COL5A3: variants seen among roughly 807,000 people sequenced by gnomAD.
COL5A3 encodes the protein collagen alpha-3(V) chain.
A neutral mutation model predicts 250.0 loss-of-function variants in COL5A3; 172 were observed. That is an observed-to-expected ratio of 0.69 (90% CI 0.61 to 0.78). The LOEUF (loss-of-function observed/expected upper bound fraction) is 0.78. COL5A3 is among the 30% of genes least tolerant of loss of function. The probability of loss-of-function intolerance (pLI) is 0.00; values close to 1 mark genes in which losing one functional copy is unlikely to be tolerated. For synonymous variants in COL5A3, 937 were observed against 900.4 expected (o/e 1.04, Z -0.73); for missense variants, 2,340 against 2,334.4 (o/e 1.00, Z -0.05).
At chr19:9,976,416 T>TCCGATTC in intron 45 of COL5A3, 142 bp downstream of exon 45, 1 of 599,780 alleles carries the variant, frequency 1.7e-6, no homozygotes, top group Non-Finnish European at 2.8e-6. Context: ...TTGGATTGAG[T>TCCGATTC]TCACATTGGG....
intron 6 of COL5A3, among the ~76,000 whole-genome samples, chr19:10,002,939 G>C (rs1209112002): frequency 6.6e-6 from 1 of 151,996 alleles, no homozygotes; most frequent in Non-Finnish European, 1.5e-5. Flanking sequence ...CAACCCCCCA[G>C]TCATTGACCC....
chr19:9,997,214 A>G (rs2087285936), intron 11 of COL5A3, 157 bp downstream of exon 11: 2 of 679,356 alleles, frequency 2.9e-6, no homozygotes, highest in Non-Finnish European at 5.3e-6. Flanking sequence ...CCAGAGAAAT[A>G]GTTCACAGAT....
chr19:9,999,045 T>C (rs1245476949), intron 8 of COL5A3, among the ~76,000 whole-genome samples: 1 of 151,784 alleles, frequency 6.6e-6, no homozygotes, highest in Non-Finnish European at 1.5e-5. Flanking sequence ...TTTCTTTCTC[T>C]TTCTTTCTCT....
At chr19:9,998,215 T>C in intron 8 of COL5A3, 66 bp from the exon 9 acceptor site, 2 of 1,468,520 alleles carry the variant, frequency 1.4e-6, no homozygotes, top group Non-Finnish European at 1.9e-6. Context: ...CCTTCAGTTA[T>C]CTGATCACAC....
chr19:9,976,444 G>A lies in COL5A3; in HGVS notation c.3342+114C>T, dbSNP rs2086923427. Reference sequence around the variant, plus strand: ...ACATTGGGTGTCAGTACTGAGGGAAGATCAGGGTTGGGTTTGAGGTTTGGA... The same window carrying A: ...ACATTGGGTGTCAGTACTGAGGGAAAATCAGGGTTGGGTTTGAGGTTTGGA... On this transcript the variant is annotated intron_variant, in intron 45 of 66. Coordinates refer to ENST00000264828, the MANE Select transcript of COL5A3 (RefSeq NM_015719.4). 8.1e-6 allele frequency: 6 copies of A among 740,530 alleles called. No individual in the cohort carries two copies. The South Asian group carries it at 8.4e-5, about 10-fold the overall frequency. 45.9% of individuals were successfully genotyped at this position (740,530 alleles called of 1,614,324 possible). A position where few individuals can be genotyped will look rare whatever the true frequency, so the allele number is the denominator to read the frequency against.
chr19:9,983,905 T>G lies in COL5A3; in HGVS notation c.2407-1787A>C, dbSNP rs543443202. Among the ~76,000 whole-genome samples, 8 of 149,138 alleles carry G rather than the reference T, an allele frequency of 5.4e-5. No individual in the cohort carries two copies. The South Asian group carries it at 1.1e-3, about 20-fold the overall frequency. On this transcript the variant is annotated intron_variant, in intron 31 of 66. Transcript: ENST00000264828. ...AGGAGTCAATGTAAAGGGAAATCAC[T>G]GAAAAAATAAAAAAAAAAAACCACT...
Position 10,001,777 on chromosome 19 carries a change from C to A in COL5A3, c.954G>T (p.Thr318=). The A allele has an allele frequency of 6.2e-7, 1 of 1,613,996 alleles. No individual in the cohort carries two copies. The highest frequency in any genetic ancestry group is 8.5e-7 in the Non-Finnish European group (1 of 1,179,914). ...TSTVTTGLNA[T]ILERSLDPDS... is the part of the protein sequence containing the mutation. ...TCCATCCCCATCCAACCTCTAGGAT[C>A]GTGGCATTGAGTCCAGTAGTCACAG... The change falls in exon 7 of 67, where the codon ACG becomes ACT. Residue 318 remains threonine (T), a synonymous_variant. Transcript: ENST00000264828.
chr19:9,962,812 G>T lies in COL5A3; in HGVS notation c.4851+7C>A. On this transcript the variant is annotated splice_region_variant and intron_variant, in intron 65 of 66. Transcript: ENST00000264828. ...TGTCACTCCCCATCTCGGCCTCGGT[G>T]ACTCACCTTCTTCCCTCGACGGAAT... 6.2e-7 allele frequency: 1 copy of T among 1,607,244 alleles called. No homozygotes were observed. Among genetic ancestry groups the T allele is most frequent in the South Asian group, 1.1e-5 (1 of 89,596 alleles).
rs1488755858 is a variant in COL5A3 at position 9,980,846 on chromosome 19, T to C, written c.2519A>G (p.Glu840Gly). The C allele has an allele frequency of 1.2e-6, 2 of 1,609,684 alleles. No homozygotes were observed. The highest frequency in any genetic ancestry group is 1.7e-6 in the Non-Finnish European group (2 of 1,178,386). Reference protein sequence around the residue: ...GERGPPGSRGERGQPGATGQP... With the variant: ...GERGPPGSRGGRGQPGATGQP... ...CCCTGTGGCACCCGGTTGCCCCCTC[T>C]CTCCACGGGAACCCTGAACAAAAAA... The change falls in exon 34 of 67, where the codon GAG (glutamate) becomes GGG (glycine). Residue 840 changes from glutamate (E) to glycine (G), a missense_variant. Glu to Gly is a moderately conservative substitution (Grantham distance 98, BLOSUM62 -2). This residue lies in a region of COL5A3 where 1,152 missense variants were observed against 1,146.3 expected (regional missense o/e 1.00). Transcript: ENST00000264828.
chr19:9,991,973 G>T, intron 22 of COL5A3, 31 bp downstream of exon 22: 1 of 1,600,320 alleles, frequency 6.2e-7, no homozygotes, highest in South Asian at 1.1e-5. Flanking sequence ...GTGTCAGAAG[G>T]GTCAGAGGTC....
intron 2 of COL5A3, 34 bp downstream of exon 2, chr19:10,006,039 C>A (rs367679614): frequency 1.2e-6 from 2 of 1,611,326 alleles, no homozygotes; most frequent in South Asian, 2.2e-5. Context: ...TGCCTCCCTC[C>A]GGGGAGGTAC....
rs752794239 is a variant in COL5A3, at chr19:9,977,699, G to C, written c.3021C>G (p.Gly1007=). 2.9e-5 allele frequency: 46 copies of C among 1,577,666 alleles called. 1 individual carries two copies. The Middle Eastern group carries it at 1.2e-3, about 41-fold the overall frequency. The change falls in exon 42 of 67, where the codon GGC becomes GGG. Residue 1007 remains glycine, a splice_region_variant and synonymous_variant. Transcript: ENST00000264828. The stretch of plus-strand genomic sequence containing the variant: ...CCAAAGGACCGCGCTCACCAGGGGA[G>C]CCCTGAGAACAGGGGTGATGAATCA... ...KGPPGPVGAN[G]SPGERGPLGP...
At chr19:9,991,699 G>C (rs10411233) in intron 23 of COL5A3, 45 bp from the exon 24 acceptor site, 55,565 of 1,607,506 alleles carry the variant, frequency 0.035, 1,307 homozygotes, top group African/African-American at 0.12. Context: ...AGAAAGAAGC[G>C]GTGAGTGTGG....
At chr19:10,008,833 G>A (rs1411427244) in intron 1 of COL5A3, among the ~76,000 whole-genome samples, 5 of 152,116 alleles carry the variant, frequency 3.3e-5, no homozygotes, top group African/African-American at 4.8e-5. Flanking sequence ...GGGGAGTGCC[G>A]TTCTGTGTGA....
At position 10,001,845 on chromosome 19, in the gene COL5A3, G is replaced by A; in HGVS notation, c.886C>T (p.Pro296Ser). The A allele has an allele frequency of 6.2e-7, 1 of 1,614,174 alleles. No homozygotes were observed. Residue 296 changes from proline (P) to serine (S), a missense_variant, in exon 7 of 67, where the codon CCA (proline) becomes TCA (serine). Pro to Ser is a moderately conservative substitution (Grantham distance 74). This residue lies in a region of COL5A3 where 1,152 missense variants were observed against 1,146.3 expected (regional missense o/e 1.00). Transcript: ENST00000264828. ...GGCGTGGGGGTCGGAGGCAGATTTGGAGCTGGAGTCTCTGTCTTGGGGATG... is the reference window on the plus strand; with the variant it reads ...GGCGTGGGGGTCGGAGGCAGATTTGAAGCTGGAGTCTCTGTCTTGGGGATG... ...TDIPKTETPA[P>S]NLPPTPTPLV...
chr19:9,995,643 GA>G, intron 15 of COL5A3, 26 bp from the exon 16 acceptor site: 4 of 1,537,510 alleles, frequency 2.6e-6, no homozygotes, highest in Non-Finnish European at 1.8e-6. Context: ...AAGGAGGAAG[GA>G]AAGGAAAATA....
intron 64 of COL5A3, among the ~76,000 whole-genome samples, chr19:9,965,474 G>A (rs1168801900): frequency 1.6e-5 from 2 of 124,554 alleles, no homozygotes; most frequent in Non-Finnish European, 3.4e-5. Flanking sequence ...TTTTTTTCTA[G>A]GCGGAGTCTC....
Position 9,979,141 on chromosome 19 carries a change from C to T in COL5A3, c.2865G>A (p.Glu955=), listed in dbSNP as rs2086967746. 1.9e-6 allele frequency: 3 copies of T among 1,584,728 alleles called. No individual in the cohort carries two copies. The highest frequency in any genetic ancestry group is 2.3e-5 in the South Asian group (2 of 86,646). The change falls in exon 39 of 67, where the codon GAG becomes GAA. Residue 955 remains glutamate, a synonymous_variant. Transcript: ENST00000264828. The part of the protein sequence containing the change: ...EQGLPGLEGR[E]GAKGELGPPG... ...GTGGACAGTGTCTCACCTTGGCCCC[C>T]TCTCTGCCTTCCAGGCCAGGAAGAC... is the stretch of plus-strand genomic sequence containing the variant.
intron 45 of COL5A3, among the ~76,000 whole-genome samples, chr19:9,975,650 A>G (rs2086908533): frequency 6.6e-6 from 1 of 150,552 alleles, no homozygotes; most frequent in South Asian, 2.1e-4. Context: ...GTGAGTTCAT[A>G]TTGGATTTTG....
Sources: gnomAD v4.1 joint callset for allele counts (sites outside exome capture counted in the v4.1 genomes callset) on GRCh38, gnomAD v4.1.1 for gene constraint, gnomAD v4.1.1 regional missense constraint, MANE v1.5 for transcripts, NCBI Gene and HGNC (gene_info 2026-07-23, HGNC 2026-07-21) for gene names.